The following SLC35F4 variants were observed in gnomAD, a reference collection of about 807,000 sequenced individuals.
SLC35F4 encodes solute carrier family 35 member F4.
SLC35F4 carries 24 observed loss-of-function variants against 44.2 expected under a neutral mutation model. The ratio of observed to expected loss-of-function variants is 0.54; its 90% CI spans 0.39 to 0.76. The LOEUF (loss-of-function observed/expected upper bound fraction) is 0.76, where lower values mean the gene tolerates loss of function less well. Among genes scored for constraint, SLC35F4 ranks in the 30% least tolerant of loss-of-function variants. SLC35F4 has a pLI of 0.00. For synonymous variants in SLC35F4, 238 were observed against 223.6 expected, an observed-to-expected ratio of 1.06 and a Z score of -0.57; for missense variants, 562 against 586.1, an observed-to-expected ratio of 0.96 and a Z score of 0.42.
chr14:57,582,006 T>C (rs866778998), intron 3 of SLC35F4, among the ~76,000 whole-genome samples: 11 of 152,208 alleles, frequency 7.2e-5, no homozygotes, highest in African/African-American at 2.7e-4. Context: ...AACTCCCACA[T>C]GATAAAAACT....
chr14:57,607,989 G>A (rs1461797220), intron 1 of SLC35F4, among the ~76,000 whole-genome samples: 3 of 152,188 alleles, frequency 2.0e-5, no homozygotes, highest in African/African-American at 7.2e-5. Flanking sequence ...AGAGCTAGAA[G>A]GAGGACCTGG....
At chr14:57,804,623 G>A (rs753112574) in intron 1 of SLC35F4, among the ~76,000 whole-genome samples, 3 of 152,150 alleles carry the variant, frequency 2.0e-5, no homozygotes, top group Non-Finnish European at 2.9e-5. Context: ...ATTACCTCAA[G>A]ATGGATTAAG....
intron 7 of SLC35F4, 48 bp downstream of exon 7, chr14:57,566,427 A>C: frequency 8.1e-5 from 122 of 1,505,872 alleles, no homozygotes; most frequent in Middle Eastern, 1.7e-4. Flanking sequence ...AACACAAGCA[A>C]GAGACTTGTA....
chr14:57,958,898 A>G (rs1356105635), intron 1 of SLC35F4, among the ~76,000 whole-genome samples: 1 of 152,228 alleles, frequency 6.6e-6, no homozygotes, highest in Non-Finnish European at 1.5e-5. Context: ...GGGTTACAAA[A>G]GTTAGACATC....
intron 1 of SLC35F4, among the ~76,000 whole-genome samples, chr14:57,843,955 C>G (rs570663127): frequency 3.9e-5 from 6 of 152,232 alleles, no homozygotes; most frequent in Admixed American, 2.6e-4. Context: ...CTTTACTGAG[C>G]TTTGCTACAT....
intron 3 of SLC35F4, 98 bp downstream of exon 3, chr14:57,589,118 C>G: frequency 7.5e-7 from 1 of 1,328,704 alleles, no homozygotes; most frequent in East Asian, 2.3e-5. Flanking sequence ...CTTCACATAC[C>G]CCAAAAAACT....
chr14:57,623,376 C>A (rs1413704536), intron 1 of SLC35F4, among the ~76,000 whole-genome samples: 1 of 152,144 alleles, frequency 6.6e-6, no homozygotes, highest in Non-Finnish European at 1.5e-5. Flanking sequence ...GACTTTAACA[C>A]CCCACTGTCA....
rs151255868 is a variant in SLC35F4, at chr14:57,894,020, G to A, written n.282+87893C>T. Among the ~76,000 whole-genome samples, 360 of 152,136 alleles carry A rather than the reference G, an allele frequency of 2.4e-3. 3 individuals carry two copies. Among genetic ancestry groups the A allele is most frequent in the African/African-American group, 7.9e-3 (329 of 41,508 alleles). On this transcript the variant is annotated intron_variant and non_coding_transcript_variant, in intron 1 of 1. Transcript: ENST00000556568. The stretch of plus-strand genomic sequence containing the variant: ...ACAACCTGAAGTACAGTTAGATCAC[G>A]TCCCTGCATTAATTTGCCAAAGTTA...
chr14:57,924,082 A>C (rs916027000), intron 1 of SLC35F4, among the ~76,000 whole-genome samples: 1 of 152,212 alleles, frequency 6.6e-6, no homozygotes, highest in Admixed American at 6.5e-5. Flanking sequence ...CCATCCATGT[A>C]AGATGTGACT....
At chr14:57,793,287 T>C (rs1473229928) in intron 1 of SLC35F4, among the ~76,000 whole-genome samples, 1 of 152,022 alleles carries the variant, frequency 6.6e-6, no homozygotes, top group East Asian at 1.9e-4. Context: ...GTACAAGTGG[T>C]TTTTGGTTAC....
At chr14:57,625,129 G>A (rs1409973656) in intron 1 of SLC35F4, among the ~76,000 whole-genome samples, 2 of 152,208 alleles carry the variant, frequency 1.3e-5, no homozygotes, top group Non-Finnish European at 2.9e-5. Context: ...AAATCAATGT[G>A]CAAAAATCAC....
At chr14:57,773,235 A>G (rs1422827459) in intron 1 of SLC35F4, among the ~76,000 whole-genome samples, 1 of 152,146 alleles carries the variant, frequency 6.6e-6, no homozygotes, top group East Asian at 1.9e-4. Context: ...TCTGGACATT[A>G]GTCCTTTGTC....
chr14:57,982,989 G>A (rs372527675), upstream of SLC35F4, among the ~76,000 whole-genome samples: 9 of 152,184 alleles, frequency 5.9e-5, no homozygotes, highest in Admixed American at 2.6e-4. Context: ...TCTTGTTTCC[G>A]GCACTGCTGT....
chr14:57,866,873 C>G (rs574246492), upstream of SLC35F4, among the ~76,000 whole-genome samples: 1 of 151,794 alleles, frequency 6.6e-6, no homozygotes, highest in Admixed American at 6.6e-5. Context: ...GACTCTTCTG[C>G]TTTAGCCAGA....
chr14:57,703,962 C>T (rs952883587), intron 1 of SLC35F4, among the ~76,000 whole-genome samples: 4 of 152,168 alleles, frequency 2.6e-5, no homozygotes, highest in African/African-American at 9.7e-5. Context: ...CACAGAACTC[C>T]AAAGACCCTT....
At chr14:57,637,542 A>T (rs1179549209) in intron 1 of SLC35F4, among the ~76,000 whole-genome samples, 1 of 152,116 alleles carries the variant, frequency 6.6e-6, no homozygotes, top group African/African-American at 2.4e-5. Context: ...CCAAATACAT[A>T]AAATGGGATC....
At chr14:57,724,915 T>C (rs2076165922) in intron 1 of SLC35F4, among the ~76,000 whole-genome samples, 1 of 152,188 alleles carries the variant, frequency 6.6e-6, no homozygotes, top group Admixed American at 6.5e-5. Context: ...GATATGTGAT[T>C]ATATAATAAG....
In SLC35F4 at chr14:57,877,674, C is replaced by CTTTTTTTTTTTTTTT. The variant is rs139397949; in HGVS notation, n.282+104224_282+104238dup. On this transcript the variant is annotated intron_variant and non_coding_transcript_variant, in intron 1 of 1. Coordinates refer to the SLC35F4 transcript ENST00000556568. ...CTTGCCAGCATCTGTTATTTTTTGA[C>CTTTTTTTTTTTTTTT]TTTTTTTTTTTTTTTTTTTTTTTTT... Among the ~76,000 whole-genome samples the CTTTTTTTTTTTTTTT allele has an allele frequency of 2.1e-4, 11 of 52,422 alleles. 2 individuals carry two copies. The highest frequency in any genetic ancestry group is 1.0e-3 in the East Asian group (1 of 986). 34.4% of individuals were successfully genotyped at this position (52,422 alleles called of 152,430 possible). A position where few individuals can be genotyped will look rare whatever the true frequency, so the allele number is the denominator to read the frequency against.
Position 57,564,060 on chromosome 14 carries a change from G to T in SLC35F4, c.*75C>A. 9.9e-6 allele frequency: 15 copies of T among 1,510,510 alleles called. No individual in the cohort carries two copies. The highest frequency in any genetic ancestry group is 1.2e-5 in the Non-Finnish European group (13 of 1,105,956). 93.6% of individuals were successfully genotyped at this position (1,510,510 alleles called of 1,614,324 possible). On this transcript the variant is annotated 3_prime_UTR_variant, in exon 8 of 8. Transcript: ENST00000556826. Reference sequence around the variant, plus strand: ...AAATTCAGAGTTAATACTGTCGTTTGAGTGTACAGGTAGTGAGAAAATTTT... The same window carrying T: ...AAATTCAGAGTTAATACTGTCGTTTTAGTGTACAGGTAGTGAGAAAATTTT...
Sources: allele counts gnomAD v4.1 joint callset (sites outside exome capture counted in the v4.1 genomes callset), GRCh38; gene constraint gnomAD v4.1.1; transcripts MANE v1.5; gene names NCBI Gene and HGNC (gene_info 2026-07-23, HGNC 2026-07-21).